The following ANKS1B variants were observed in gnomAD, a reference collection of about 807,000 sequenced individuals.
ANKS1B encodes the protein ankyrin repeat and sterile alpha motif domain-containing protein 1B.
ANKS1B carries 36 observed loss-of-function variants against 148.3 expected under a neutral mutation model. That is an observed-to-expected ratio of 0.24 (90% CI 0.19 to 0.32). ANKS1B has a LOEUF of 0.32. Ranked by LOEUF, ANKS1B falls within the 10% of genes least tolerant of loss-of-function variation. The pLI is 1.00. For synonymous variants in ANKS1B, 542 were observed against 560.8 expected, an observed-to-expected ratio of 0.97 and a Z score of 0.47; for missense variants, 1,157 against 1,542.6, an observed-to-expected ratio of 0.75 and a Z score of 4.19.
chr12:99,965,476 A>G (rs1011479024), intron 1 of ANKS1B, among the ~76,000 whole-genome samples: 2 of 152,234 alleles, frequency 1.3e-5, no homozygotes, highest in African/African-American at 4.8e-5. Context: ...TAAAGGGGGA[A>G]AAAGGTAATT....
At chr12:99,907,821 A>G (rs1217933552) in intron 1 of ANKS1B, among the ~76,000 whole-genome samples, 3 of 149,872 alleles carry the variant, frequency 2.0e-5, no homozygotes, top group Non-Finnish European at 4.4e-5. Flanking sequence ...TTAAAAAAAA[A>G]AAAAAAAAAA....
intron 12 of ANKS1B, among the ~76,000 whole-genome samples, chr12:99,331,775 A>G (rs185425275): frequency 1.3e-5 from 2 of 152,176 alleles, no homozygotes; most frequent in East Asian, 1.9e-4. Context: ...AATGAGGCAG[A>G]GACTAAATTT....
At chr12:99,389,053 C>A (rs2093971158) in intron 12 of ANKS1B, among the ~76,000 whole-genome samples, 1 of 152,278 alleles carries the variant, frequency 6.6e-6, no homozygotes, top group East Asian at 1.9e-4. Context: ...GGACCTCACA[C>A]AAAGGCCTGG....
intron 17 of ANKS1B, among the ~76,000 whole-genome samples, chr12:99,018,713 A>G (rs1189585010): frequency 1.8e-4 from 27 of 152,102 alleles, no homozygotes; most frequent in Admixed American, 1.8e-3. Flanking sequence ...GGAGGCCAAG[A>G]CAGGCAGAGC....
chr12:99,854,471 A>G (rs1158516173), intron 1 of ANKS1B, among the ~76,000 whole-genome samples: 5 of 152,252 alleles, frequency 3.3e-5, no homozygotes. Context: ...TGGAAAACAT[A>G]TTAGATAGAA....
intron 1 of ANKS1B, among the ~76,000 whole-genome samples, chr12:99,883,338 A>AAAC (rs375146972): frequency 1.3e-5 from 2 of 151,870 alleles, no homozygotes; most frequent in East Asian, 1.9e-4. Context: ...TCGAAGCAAA[A>AAAC]AAACAAACAA....
intron 8 of ANKS1B, among the ~76,000 whole-genome samples, chr12:99,732,624 T>C (rs1051817428): frequency 6.6e-6 from 1 of 152,194 alleles, no homozygotes; most frequent in Non-Finnish European, 1.5e-5. Flanking sequence ...TGAGAGATCT[T>C]TGGAAGAATG....
intron 17 of ANKS1B, among the ~76,000 whole-genome samples, chr12:99,051,233 T>C (rs2099965869): frequency 6.6e-6 from 1 of 152,184 alleles, no homozygotes; most frequent in African/African-American, 2.4e-5. Context: ...CCTTTGGATT[T>C]TGAGAGACAT....
At chr12:99,496,691 C>T (rs12312446) in intron 10 of ANKS1B, among the ~76,000 whole-genome samples, 5,853 of 151,878 alleles carry the variant, frequency 0.039, 389 homozygotes, top group African/African-American at 0.14. Context: ...TAATAAGTTG[C>T]TTTTATTTAA....
At chr12:99,928,653 T>C (rs938423394) in intron 1 of ANKS1B, among the ~76,000 whole-genome samples, 2 of 152,206 alleles carry the variant, frequency 1.3e-5, no homozygotes, top group Admixed American at 6.5e-5. Context: ...ATTGCCCTTA[T>C]AGATTTTCCT....
chr12:99,708,650 T>C (rs773921523), intron 8 of ANKS1B, among the ~76,000 whole-genome samples: 1 of 152,144 alleles, frequency 6.6e-6, no homozygotes, highest in Admixed American at 6.5e-5. Flanking sequence ...TCTTCTATCA[T>C]TGCATTTCCT....
At chr12:99,645,444 C>T (rs2098352639) in intron 9 of ANKS1B, among the ~76,000 whole-genome samples, 1 of 152,014 alleles carries the variant, frequency 6.6e-6, no homozygotes, top group Non-Finnish European at 1.5e-5. Context: ...AGCTAAAGCC[C>T]TATCACAAAA....
intron 1 of ANKS1B, among the ~76,000 whole-genome samples, chr12:99,919,798 G>A (rs1280881674): frequency 9.1e-6 from 1 of 109,360 alleles, no homozygotes; most frequent in African/African-American, 3.6e-5. Context: ...AAAAAAACCT[G>A]GATTTCAAAA....
At chr12:99,038,671 G>T (rs565282771) in intron 17 of ANKS1B, among the ~76,000 whole-genome samples, 4 of 152,300 alleles carry the variant, frequency 2.6e-5, no homozygotes, top group African/African-American at 9.6e-5. Flanking sequence ...TTTTCTATCA[G>T]CCTTTTCCCT....
At chr12:99,174,859 T>A (rs924862435) in intron 14 of ANKS1B, among the ~76,000 whole-genome samples, 1 of 152,202 alleles carries the variant, frequency 6.6e-6, no homozygotes. Flanking sequence ...TACTACATCA[T>A]GAAATAGTCA....
chr12:99,042,502 C>T (rs1474636737), intron 17 of ANKS1B, among the ~76,000 whole-genome samples: 8 of 152,100 alleles, frequency 5.3e-5, no homozygotes, highest in Non-Finnish European at 1.0e-4. Flanking sequence ...AATCGCTGAC[C>T]CACAAACTGT....
At chr12:99,287,993 T>A (rs1417068755) in intron 12 of ANKS1B, among the ~76,000 whole-genome samples, 1 of 152,116 alleles carries the variant, frequency 6.6e-6, no homozygotes, top group African/African-American at 2.4e-5. Flanking sequence ...GGGTTGAAAG[T>A]TTATTCAAAG....
Position 99,358,796 on chromosome 12 carries a change from T to G in ANKS1B, c.1756+40835A>C, listed in dbSNP as rs539778767. On this transcript the variant is annotated intron_variant, in intron 12 of 26. Transcript: ENST00000683438. The stretch of plus-strand genomic sequence containing the variant: ...TAGTCAGGAATTGTGTCAGATGACA[T>G]GAATAGAACAACAGGTAAAACTGAC... Among the ~76,000 whole-genome samples, 3 of 152,172 alleles carry G rather than the reference T, an allele frequency of 2.0e-5. No homozygotes were observed. In the East Asian group the frequency reaches 5.8e-4, roughly 29 times the overall value.
rs115820181 is a variant in ANKS1B, at chr12:99,183,875, A to G, written c.2420-29480T>C. ...GAGCACCTTGAAGGACTGACAATCT[A>G]TGAAGCACATTTTGGGAAACTCATG... On this transcript the variant is annotated intron_variant, in intron 14 of 26. Transcript: ENST00000683438. Among the ~76,000 whole-genome samples the G allele has an allele frequency of 5.4e-3, 830 of 152,320 alleles. 6 individuals carry two copies. The highest frequency in any genetic ancestry group is 0.018 in the African/African-American group (757 of 41,562).
Sources: allele counts gnomAD v4.1 joint callset (sites outside exome capture counted in the v4.1 genomes callset), GRCh38; gene constraint gnomAD v4.1.1; transcripts MANE v1.5; gene names NCBI Gene and HGNC (gene_info 2026-07-23, HGNC 2026-07-21).